The following SLC7A9 variants were observed in gnomAD, a reference collection of about 807,000 sequenced individuals.
The protein encoded by SLC7A9 is B(0,+)-type amino acid transporter 1.
Under a neutral mutation model 54.1 loss-of-function variants are expected in SLC7A9, and 38 were observed. That is an observed-to-expected ratio of 0.70 (90% confidence interval 0.54 to 0.92). The LOEUF is 0.92. SLC7A9 is among the 40% of genes least tolerant of loss of function. The probability of loss-of-function intolerance (pLI) is 0.00; values close to 1 mark genes in which losing one functional copy is unlikely to be tolerated. For missense variants in SLC7A9, 537 were observed against 636.1 expected (o/e 0.84, Z 1.68); for synonymous variants, 264 against 258.9 (o/e 1.02, Z -0.19).
intron 9 of SLC7A9, among the ~76,000 whole-genome samples, chr19:32,850,828 A>G (rs531460844): frequency 1.4e-4 from 22 of 152,318 alleles, no homozygotes; most frequent in African/African-American, 5.3e-4. Context: ...AAACAGAGAG[A>G]TACATCAATG....
intron 4 of SLC7A9, among the ~76,000 whole-genome samples, chr19:32,863,805 G>A: frequency 6.6e-6 from 1 of 152,156 alleles, no homozygotes; most frequent in Non-Finnish European, 1.5e-5. Flanking sequence ...ATCAGGGCGT[G>A]GTAAGCAGCC....
rs1214721160 is a variant in SLC7A9, at chr19:32,868,727, CAA to C, written c.-111-84_-111-83del. The C allele has an allele frequency of 1.1e-5, 7 of 650,184 alleles. No homozygotes were observed. The African/African-American group carries it at 1.2e-4, about 12-fold the overall frequency. The allele number at this position is 650,184 out of a possible 1,614,324, so 40.3% of individuals were successfully genotyped here. On this transcript the variant is annotated intron_variant, in intron 1 of 12. Transcript: ENST00000023064. ...GGGCTCATGCGCTGGGCCCCAGAGT[CAA>C]AGTCAGTCATTAACATTGTCCAGGC...
chr19:32,861,331 C>CA lies in SLC7A9; in HGVS notation c.705-682dup, dbSNP rs541220958. 2.4e-3 allele frequency among the ~76,000 whole-genome samples: 326 copies of CA among 133,892 alleles called. 1 individual carries two copies. Among genetic ancestry groups the CA allele is most frequent in the African/African-American group, 6.2e-3 (225 of 36,008 alleles). The allele number at this position is 133,892 out of a possible 152,430, so 87.8% of individuals were successfully genotyped here. ...TGGGTAATAGAGTGAGACTCCGTCT[C>CA]AAAAAAAAAAGAAAAAAAAGGACAA... On this transcript the variant is annotated intron_variant, in intron 6 of 12. Transcript: ENST00000023064.
At chr19:32,861,619 T>C (rs544759605) in intron 6 of SLC7A9, among the ~76,000 whole-genome samples, 2 of 152,176 alleles carry the variant, frequency 1.3e-5, no homozygotes, top group South Asian at 2.1e-4. Flanking sequence ...TGAGAGCAGC[T>C]TGGGCAACAC....
At chr19:32,843,766 C>G in intron 10 of SLC7A9, 89 bp downstream of exon 10, 1 of 893,018 alleles carries the variant, frequency 1.1e-6, no homozygotes, top group Non-Finnish European at 1.9e-6. Flanking sequence ...ATAAGGGCAT[C>G]TGGGTCATTT....
chr19:32,869,233 T>C (rs757083168), intron 1 of SLC7A9, among the ~76,000 whole-genome samples: 2 of 151,748 alleles, frequency 1.3e-5, no homozygotes, highest in African/African-American at 2.4e-5. Context: ...AAAAAATATA[T>C]ATATAAAAAA....
chr19:32,843,958 A>G lies in SLC7A9; in HGVS notation c.978-7T>C. ...GCCCGCCACGTAAATGAGTCTGGAAAATAACGACACGGGAGTCCGCTGACC... is the reference window on the plus strand; with the variant it reads ...GCCCGCCACGTAAATGAGTCTGGAAGATAACGACACGGGAGTCCGCTGACC... On this transcript the variant is annotated splice_region_variant and splice_polypyrimidine_tract_variant and intron_variant, in intron 9 of 12. Coordinates refer to ENST00000023064, the MANE Select transcript of SLC7A9 (RefSeq NM_014270.5). The G allele has an allele frequency of 1.2e-6, 2 of 1,608,046 alleles. No individual in the cohort carries two copies. The highest frequency in any genetic ancestry group is 2.2e-5 in the South Asian group (2 of 90,868).
intron 2 of SLC7A9, among the ~76,000 whole-genome samples, chr19:32,866,136 G>A (rs1968964308): frequency 6.6e-6 from 1 of 152,136 alleles, no homozygotes; most frequent in African/African-American, 2.4e-5. Context: ...GAAGAAGCTG[G>A]GCTTGGAGTC....
chr19:32,836,988 CT>C (rs1458399329), intron 11 of SLC7A9, among the ~76,000 whole-genome samples: 1 of 152,122 alleles, frequency 6.6e-6, no homozygotes, highest in African/African-American at 2.4e-5. Context: ...CCTGAAAAAT[CT>C]TTTACTTTCA....
intron 9 of SLC7A9, among the ~76,000 whole-genome samples, chr19:32,847,379 C>A (rs941465031): frequency 6.6e-5 from 10 of 152,016 alleles, no homozygotes; most frequent in Non-Finnish European, 1.5e-4. Flanking sequence ...TCGAGAACTA[C>A]GTGAAGAATG....
intron 11 of SLC7A9, among the ~76,000 whole-genome samples, chr19:32,833,792 C>G (rs1967877769): frequency 7.6e-6 from 1 of 132,332 alleles, no homozygotes; most frequent in Admixed American, 7.4e-5. Context: ...AGGGAAACTC[C>G]ATCTCAAAAA....
intron 11 of SLC7A9, among the ~76,000 whole-genome samples, chr19:32,835,436 C>A (rs1033402484): frequency 6.6e-6 from 1 of 152,130 alleles, no homozygotes; most frequent in Non-Finnish European, 1.5e-5. Context: ...AAGATTAATA[C>A]AAATCATAAG....
At chr19:32,838,605 T>G (rs943793603) in intron 11 of SLC7A9, among the ~76,000 whole-genome samples, 3 of 148,204 alleles carry the variant, frequency 2.0e-5, no homozygotes, top group Non-Finnish European at 3.0e-5. Context: ...ATATTATACA[T>G]ATACCTATAA....
intron 11 of SLC7A9, among the ~76,000 whole-genome samples, chr19:32,837,183 T>G (rs1307250699): frequency 1.3e-5 from 2 of 152,062 alleles, no homozygotes; most frequent in African/African-American, 2.4e-5. Context: ...GTCCCTTCTT[T>G]TAAATTCACC....
chr19:32,850,102 T>C (rs926881302), intron 9 of SLC7A9, among the ~76,000 whole-genome samples: 1 of 150,134 alleles, frequency 6.7e-6, no homozygotes, highest in East Asian at 2.0e-4. Context: ...ACTGGAAGCA[T>C]TCCCTTTGAA....
At chr19:32,839,560 A>T (rs1034077075) in intron 11 of SLC7A9, among the ~76,000 whole-genome samples, 19 of 151,812 alleles carry the variant, frequency 1.3e-4, no homozygotes, top group Admixed American at 6.6e-5. Context: ...CTCAAAAAAA[A>T]AAAAAAAAAA....
intron 9 of SLC7A9, among the ~76,000 whole-genome samples, chr19:32,854,681 C>T (rs183550187): frequency 6.4e-4 from 98 of 152,068 alleles, no homozygotes; most frequent in Non-Finnish European, 9.3e-4. Flanking sequence ...CTCTGCTTCC[C>T]GGGTCAAGCA....
chr19:32,846,192 C>G (rs1385140917), intron 9 of SLC7A9, among the ~76,000 whole-genome samples: 1 of 151,992 alleles, frequency 6.6e-6, no homozygotes, highest in Admixed American at 6.6e-5. Context: ...GTGCAGCACA[C>G]CGTGCATGAG....
Position 32,855,448 on chromosome 19 carries a change from C to A in SLC7A9, c.977+2992G>T, listed in dbSNP as rs557861668. 1.6e-3 allele frequency among the ~76,000 whole-genome samples: 239 copies of A among 152,266 alleles called. 1 individual carries two copies. The highest frequency in any genetic ancestry group is 5.5e-3 in the African/African-American group (230 of 41,552). On this transcript the variant is annotated intron_variant, in intron 9 of 12. Coordinates refer to ENST00000023064, the MANE Select transcript of SLC7A9 (RefSeq NM_014270.5). ...GGCGCGGTGGCTCACGCCTGTAATCCCAGCACTTTGGGAGGCCAAGGCGGG... is the reference window on the plus strand; with the variant it reads ...GGCGCGGTGGCTCACGCCTGTAATCACAGCACTTTGGGAGGCCAAGGCGGG...
Sources: gnomAD v4.1 joint callset for allele counts (sites outside exome capture counted in the v4.1 genomes callset) on GRCh38, gnomAD v4.1.1 for gene constraint, MANE v1.5 for transcripts, NCBI Gene and HGNC (gene_info 2026-07-23, HGNC 2026-07-21) for gene names.